The following TTBK2 variants were observed in gnomAD, a reference collection of about 807,000 sequenced individuals.
TTBK2 encodes the protein tau tubulin kinase 2, also known as tau-tubulin kinase 2.
In TTBK2, 28 loss-of-function variants were observed where a neutral mutation model predicts 110.8. The observed-to-expected ratio is 0.25, with a 90% CI of 0.19 to 0.35. The LOEUF is 0.35. Among genes scored for constraint, TTBK2 ranks in the 10% least tolerant of loss-of-function variants. The probability of loss-of-function intolerance (pLI) is 1.00; values close to 1 mark genes in which losing one functional copy is unlikely to be tolerated. For missense variants in TTBK2, 1,369 were observed against 1,500.3 expected (o/e 0.91, Z 1.45); for synonymous variants, 532 against 527.3 (o/e 1.01, Z -0.12).
chr15:42,751,840 T>A (rs911584301), intron 14 of TTBK2, 134 bp downstream of exon 14: 1 of 1,106,484 alleles, frequency 9.0e-7, no homozygotes, highest in Non-Finnish European at 1.4e-6. Flanking sequence ...CACTAGGCTG[T>A]AAGGCCTGGG....
intron 1 of TTBK2, among the ~76,000 whole-genome samples, chr15:42,887,550 T>C (rs28890597): frequency 0.42 from 64,005 of 151,896 alleles, 16,220 homozygotes; most frequent in African/African-American, 0.71. Flanking sequence ...ATAAACTCTC[T>C]TTATAATTCC....
At chr15:42,781,357 T>G (rs751991588) in intron 11 of TTBK2, among the ~76,000 whole-genome samples, 11 of 152,114 alleles carry the variant, frequency 7.2e-5, no homozygotes, top group Non-Finnish European at 1.2e-4. Flanking sequence ...AGAATAAAAA[T>G]ACAACACACC....
At chr15:42,903,441 C>T (rs1216141279) in intron 1 of TTBK2, among the ~76,000 whole-genome samples, 3 of 152,020 alleles carry the variant, frequency 2.0e-5, no homozygotes, top group African/African-American at 4.8e-5. Context: ...TATATTTTAC[C>T]ATAATAAAAA....
At chr15:42,862,303 T>C (rs918018146) in intron 3 of TTBK2, among the ~76,000 whole-genome samples, 4 of 152,082 alleles carry the variant, frequency 2.6e-5, no homozygotes, top group Admixed American at 1.3e-4. Context: ...TTCGGGCCAA[T>C]ATCCATGATG....
At chr15:42,874,576 C>T (rs1894738178) in intron 2 of TTBK2, among the ~76,000 whole-genome samples, 1 of 151,916 alleles carries the variant, frequency 6.6e-6, no homozygotes, top group African/African-American at 2.4e-5. Context: ...CTCTGCCTCC[C>T]AAAGTGCTGG....
intron 5 of TTBK2, among the ~76,000 whole-genome samples, chr15:42,828,563 A>G (rs1255575223): frequency 6.6e-6 from 1 of 151,750 alleles, no homozygotes. Flanking sequence ...AAAAAAAAAA[A>G]AATACAAAAA....
chr15:42,814,505 A>C lies in TTBK2; in HGVS notation c.603+2527T>G, dbSNP rs1440762959. On this transcript the variant is annotated intron_variant, in intron 7 of 14. Coordinates refer to ENST00000267890, the MANE Select transcript of TTBK2 (RefSeq NM_173500.4). ...AGTGAGAAGATTGCTTGAGCCCAGG[A>C]GTTCAAGGTTATAGTAAGCTATGAT... Among the ~76,000 whole-genome samples the C allele has an allele frequency of 5.3e-5, 8 of 152,258 alleles. No homozygotes were observed. In the South Asian group the frequency reaches 1.2e-3, roughly 24 times the overall value.
At chr15:42,834,013 AAAAAC>A (rs577793202) in intron 4 of TTBK2, among the ~76,000 whole-genome samples, 3 of 151,766 alleles carry the variant, frequency 2.0e-5, no homozygotes, top group African/African-American at 4.9e-5. Flanking sequence ...TCTGTCTCAA[AAAAAC>A]AAAACAAAAC....
At chr15:42,802,009 T>C in intron 9 of TTBK2, 1 of 1,505,504 alleles carries the variant, frequency 6.6e-7, no homozygotes, top group Non-Finnish European at 9.1e-7. Flanking sequence ...GTTGTCCATG[T>C]TGCTCCGAGC....
At chr15:42,853,905 A>G (rs187045010) in intron 3 of TTBK2, among the ~76,000 whole-genome samples, 17 of 152,074 alleles carry the variant, frequency 1.1e-4, no homozygotes, top group Non-Finnish European at 2.1e-4. Flanking sequence ...AATAAAAAAT[A>G]AATGAGAAAT....
intron 9 of TTBK2, among the ~76,000 whole-genome samples, chr15:42,804,250 G>T (rs1241366311): frequency 6.7e-6 from 1 of 148,896 alleles, no homozygotes; most frequent in Admixed American, 6.6e-5. Flanking sequence ...TTCGAGACCA[G>T]CCTGACCAAC....
chr15:42,772,171 C>G (rs1331304452), intron 13 of TTBK2, among the ~76,000 whole-genome samples: 1 of 151,816 alleles, frequency 6.6e-6, no homozygotes. Flanking sequence ...TCCCTTCTGA[C>G]AGATTAGAAA....
intron 11 of TTBK2, among the ~76,000 whole-genome samples, chr15:42,778,189 T>C (rs1019534155): frequency 1.9e-4 from 27 of 144,850 alleles, no homozygotes; most frequent in African/African-American, 6.4e-4. Flanking sequence ...TTTAAATAAA[T>C]AAAGGTTATT....
intron 1 of TTBK2, among the ~76,000 whole-genome samples, chr15:42,901,628 A>G (rs1248765456): frequency 9.2e-5 from 14 of 151,722 alleles, no homozygotes; most frequent in Non-Finnish European, 1.5e-5. Flanking sequence ...AAAAAAAAAA[A>G]AAGAATTTAA....
At chr15:42,802,449 G>A in intron 9 of TTBK2, 2 of 687,880 alleles carry the variant, frequency 2.9e-6, no homozygotes, top group South Asian at 2.9e-5. Flanking sequence ...CCCAGAAGGA[G>A]TGGAGAAGCT....
chr15:42,811,569 T>C (rs1313724600), intron 8 of TTBK2, 119 bp downstream of exon 8: 12 of 740,036 alleles, frequency 1.6e-5, no homozygotes, highest in Admixed American at 4.3e-5. Context: ...TATTGGGACA[T>C]AGTGAAAATG....
chr15:42,903,677 C>G (rs1176096044), intron 1 of TTBK2, among the ~76,000 whole-genome samples: 2 of 152,200 alleles, frequency 1.3e-5, no homozygotes, highest in Non-Finnish European at 2.9e-5. Flanking sequence ...GTTTGGCTGA[C>G]TGCTTCTAAA....
At chr15:42,758,235 T>C (rs1567005525) in intron 13 of TTBK2, among the ~76,000 whole-genome samples, 2 of 152,252 alleles carry the variant, frequency 1.3e-5, no homozygotes, top group Admixed American at 6.5e-5. Context: ...TGAGCAGAGA[T>C]ATACATAGAA....
intron 13 of TTBK2, among the ~76,000 whole-genome samples, chr15:42,773,268 T>C (rs1185666213): frequency 6.6e-6 from 1 of 151,952 alleles, no homozygotes; most frequent in African/African-American, 2.4e-5. Flanking sequence ...CATTAGAGAC[T>C]TTCAATTAAT....
Sources: allele counts gnomAD v4.1 joint callset (sites outside exome capture counted in the v4.1 genomes callset), GRCh38; gene constraint gnomAD v4.1.1; transcripts MANE v1.5; gene names NCBI Gene and HGNC (gene_info 2026-07-23, HGNC 2026-07-21).